Variants in DNAJC17 observed in about 807,000 individuals in gnomAD.
The protein encoded by DNAJC17 is dnaJ homolog subfamily C member 17.
DNAJC17 carries 35 observed loss-of-function variants against 48.1 expected under a neutral mutation model. The ratio of observed to expected loss-of-function variants is 0.73; its 90% confidence interval spans 0.56 to 0.96. DNAJC17 has a LOEUF of 0.96. DNAJC17 is among the 50% of genes least tolerant of loss of function. The probability of loss-of-function intolerance (pLI) is 0.00; values close to 1 mark genes in which losing one functional copy is unlikely to be tolerated. For missense variants in DNAJC17, 355 were observed against 377.1 expected, an observed-to-expected ratio of 0.94 and a Z score of 0.48; for synonymous variants, 117 against 142.7, an observed-to-expected ratio of 0.82 and a Z score of 1.28.
chr15:40,798,931 G>A (rs1890004691), intron 1 of DNAJC17, among the ~76,000 whole-genome samples: 1 of 152,022 alleles, frequency 6.6e-6, no homozygotes, highest in Non-Finnish European at 1.5e-5. Flanking sequence ...AGAATTTGGC[G>A]CTTGCTGGCT....
intron 10 of DNAJC17, chr15:40,771,095 C>T: frequency 7.2e-7 from 1 of 1,388,100 alleles, no homozygotes; most frequent in Non-Finnish European, 9.8e-7. Context: ...AGGACAGGGA[C>T]AGGACTCCAG....
In DNAJC17 at chr15:40,775,615, G is replaced by C; in HGVS notation, c.479-19C>G. 2.5e-6 allele frequency: 4 copies of C among 1,612,418 alleles called. No homozygotes were observed. Among genetic ancestry groups the C allele is most frequent in the Non-Finnish European group, 3.4e-6 (4 of 1,178,536 alleles). ...GCCTTTCCTAGAAATATTGGGAAAA[G>C]AAGAAAAGTAGAATATGAGGGAGTC... On this transcript the variant is annotated intron_variant, in intron 6 of 10. Transcript: ENST00000220496.
chr15:40,791,201 T>C (rs887617526), intron 1 of DNAJC17, among the ~76,000 whole-genome samples: 1 of 151,644 alleles, frequency 6.6e-6, no homozygotes, highest in African/African-American at 2.4e-5. Flanking sequence ...AATAAACAAA[T>C]AAATAATGTG....
chr15:40,791,558 C>T (rs888781955), intron 1 of DNAJC17, among the ~76,000 whole-genome samples: 1 of 151,016 alleles, frequency 6.6e-6, no homozygotes, highest in Non-Finnish European at 1.5e-5. Flanking sequence ...TAAAAAACAA[C>T]AGGCAGCTGG....
intron 1 of DNAJC17, among the ~76,000 whole-genome samples, chr15:40,802,189 G>A (rs998983474): frequency 1.6e-5 from 2 of 128,160 alleles, no homozygotes; most frequent in Non-Finnish European, 3.1e-5. Flanking sequence ...TTTTTTTTTC[G>A]AGACAGATTC....
At chr15:40,771,028 G>T in intron 10 of DNAJC17, 1 of 1,549,762 alleles carries the variant, frequency 6.5e-7, no homozygotes, top group South Asian at 1.2e-5. Flanking sequence ...TTCTAAATGG[G>T]GTGAGGGTGG....
At position 40,766,353 on chromosome 15, in the gene DNAJC17, G is replaced by A. The variant is rs1888949101; in HGVS notation, c.*1587C>T. On this transcript the variant is annotated 3_prime_UTR_variant, in exon 11 of 11. Coordinates refer to ENST00000220496, the MANE Select transcript of DNAJC17 (RefSeq NM_018163.3). ...CCTACCTCCAGGGTGGCTGCTGCCTGGGGACCTAGCCATTTCCCTTGGCAT... is the reference window on the plus strand; with the variant it reads ...CCTACCTCCAGGGTGGCTGCTGCCTAGGGACCTAGCCATTTCCCTTGGCAT... The A allele has an allele frequency of 6.5e-6, 1 of 153,594 alleles. No individual in the cohort carries two copies. Among genetic ancestry groups the A allele is most frequent in the South Asian group, 2.1e-4 (1 of 4,838 alleles). The allele number at this position is 153,594 out of a possible 1,614,324, so 9.5% of individuals were successfully genotyped here. A position where few individuals can be genotyped will look rare whatever the true frequency, so the allele number is the denominator to read the frequency against.
At position 40,768,068 on chromosome 15, in the gene DNAJC17, G is replaced by A. The variant is rs1596069455; in HGVS notation, c.793-6C>T. The A allele has an allele frequency of 1.3e-6, 2 of 1,551,080 alleles. No homozygotes were observed. The highest frequency in any genetic ancestry group is 1.7e-4 in the Middle Eastern group (1 of 5,750). Reference sequence around the variant, plus strand: ...CTCTCTGACAGCACTGAGCCCTGTCGGACAGGGCAGGGACAGGGAGGGGTC... The same window carrying A: ...CTCTCTGACAGCACTGAGCCCTGTCAGACAGGGCAGGGACAGGGAGGGGTC... On this transcript the variant is annotated splice_polypyrimidine_tract_variant and splice_region_variant and intron_variant, in intron 10 of 10. Coordinates refer to ENST00000220496, the MANE Select transcript of DNAJC17 (RefSeq NM_018163.3).
intron 4 of DNAJC17, among the ~76,000 whole-genome samples, chr15:40,778,247 AT>A (rs566780871): frequency 6.6e-6 from 1 of 151,840 alleles, no homozygotes; most frequent in African/African-American, 2.4e-5. Flanking sequence ...ACAAGCACCA[AT>A]TTTTTTGTTT....
chr15:40,774,790 G>A (rs1889271181), intron 8 of DNAJC17, among the ~76,000 whole-genome samples: 1 of 152,256 alleles, frequency 6.6e-6, no homozygotes, highest in African/African-American at 2.4e-5. Flanking sequence ...TTGCTTCTAA[G>A]GGTAAGGGTT....
intron 1 of DNAJC17, among the ~76,000 whole-genome samples, chr15:40,789,043 C>G (rs1889723353): frequency 6.6e-6 from 1 of 152,186 alleles, no homozygotes; most frequent in South Asian, 2.1e-4. Context: ...GCTGGCCAAC[C>G]CCAGACAGCC....
intron 4 of DNAJC17, 144 bp downstream of exon 4, chr15:40,779,079 C>T: frequency 1.3e-6 from 1 of 776,812 alleles, no homozygotes; most frequent in Non-Finnish European, 2.3e-6. Context: ...TCTTTAGGAA[C>T]CAACCTCTAA....
At chr15:40,779,468 G>A in intron 3 of DNAJC17, 77 bp downstream of exon 3, 1 of 1,593,952 alleles carries the variant, frequency 6.3e-7, no homozygotes, top group Non-Finnish European at 8.6e-7. Flanking sequence ...CATGGCAAAG[G>A]GCAGAGGACC....
chr15:40,794,167 T>C (rs751074232), intron 1 of DNAJC17, among the ~76,000 whole-genome samples: 11 of 150,286 alleles, frequency 7.3e-5, no homozygotes, highest in Non-Finnish European at 1.5e-4. Flanking sequence ...CTGACCAATA[T>C]GGTGAAATCC....
chr15:40,777,398 G>A (rs914215141), intron 4 of DNAJC17, among the ~76,000 whole-genome samples: 1 of 151,366 alleles, frequency 6.6e-6, no homozygotes, highest in African/African-American at 2.4e-5. Context: ...TGAAGAGCAA[G>A]AGGAAAAGGA....
intron 4 of DNAJC17, 136 bp downstream of exon 4, chr15:40,779,086 CT>C: frequency 1.2e-6 from 1 of 819,366 alleles, no homozygotes; most frequent in Non-Finnish European, 2.1e-6. Context: ...GAACCAACCT[CT>C]AAGAACAGCG....
chr15:40,783,502 G>C (rs1179675888), intron 1 of DNAJC17, among the ~76,000 whole-genome samples: 1 of 152,204 alleles, frequency 6.6e-6, no homozygotes, highest in Non-Finnish European at 1.5e-5. Context: ...ACTAGGACTA[G>C]TAGGCTTGCC....
At position 40,776,592 on chromosome 15, in the gene DNAJC17, C is replaced by T. The variant is rs777526419; in HGVS notation, c.331G>A (p.Glu111Lys). 1.7e-5 allele frequency: 27 copies of T among 1,613,962 alleles called. No homozygotes were observed. The highest frequency in any genetic ancestry group is 1.7e-5 in the Non-Finnish European group (20 of 1,179,948). Residue 111 changes from glutamate to lysine, a missense_variant, in exon 5 of 11, where the codon GAG becomes AAG. Glu to Lys is a moderately conservative substitution (Grantham distance 56). Transcript: ENST00000220496. ...EARERQAQAQ[E>K]SEEEEESRST... Reference sequence around the variant, plus strand: ...CGGCTCTCCTCTTCCTCCTCACTCTCCTGGGCCTGGGCCTGCCGCTCCCGG... The same window carrying T: ...CGGCTCTCCTCTTCCTCCTCACTCTTCTGGGCCTGGGCCTGCCGCTCCCGG...
At chr15:40,805,160 G>C (rs781456500) in intron 1 of DNAJC17, among the ~76,000 whole-genome samples, 2 of 151,844 alleles carry the variant, frequency 1.3e-5, no homozygotes, top group Non-Finnish European at 2.9e-5. Flanking sequence ...GGAAGATCAC[G>C]AGGTCAGGAA....
Sources: gnomAD v4.1 joint callset for allele counts (sites outside exome capture counted in the v4.1 genomes callset) on GRCh38, gnomAD v4.1.1 for gene constraint, MANE v1.5 for transcripts, NCBI Gene and HGNC (gene_info 2026-07-23, HGNC 2026-07-21) for gene names.